SLC13A1: variants seen among roughly 807,000 people sequenced by gnomAD.
SLC13A1 encodes Na(+)/sulfate cotransporter.
In SLC13A1, 65 loss-of-function variants were observed where a neutral mutation model predicts 70.0. The observed-to-expected ratio is 0.93, with a 90% CI of 0.76 to 1.14. The LOEUF (loss-of-function observed/expected upper bound fraction) is 1.14, where lower values mean the gene tolerates loss of function less well. Among genes scored for constraint, SLC13A1 ranks in the 50% most tolerant of loss-of-function variants. SLC13A1 has a pLI of 0.00. For missense variants in SLC13A1, 726 were observed against 717.8 expected, an observed-to-expected ratio of 1.01 and a Z score of -0.13; for synonymous variants, 275 against 250.5, an observed-to-expected ratio of 1.10 and a Z score of -0.92.
rs992122495 is a variant in SLC13A1 at position 123,192,854 on chromosome 7, A to T, written c.99+6994T>A. Reference sequence around the variant, plus strand: ...AAAATATCCTCATTTTGGAAGATGGATAGTAAAAATAAGTTCAACTACAAA... The same window carrying T: ...AAAATATCCTCATTTTGGAAGATGGTTAGTAAAAATAAGTTCAACTACAAA... On this transcript the variant is annotated intron_variant, in intron 1 of 14. Coordinates refer to ENST00000194130, the MANE Select transcript of SLC13A1 (RefSeq NM_022444.4). Among the ~76,000 whole-genome samples the T allele has an allele frequency of 5.3e-4, 80 of 152,154 alleles. 1 individual carries two copies. The highest frequency in any genetic ancestry group is 1.9e-3 in the African/African-American group (78 of 41,448).
chr7:123,189,556 C>G (rs909265153), intron 1 of SLC13A1, among the ~76,000 whole-genome samples: 30 of 152,060 alleles, frequency 2.0e-4, no homozygotes, highest in African/African-American at 7.0e-4. Flanking sequence ...TTTAAAATTA[C>G]TATCTCAAGT....
chr7:123,167,356 A>C (rs1202374421), intron 6 of SLC13A1, among the ~76,000 whole-genome samples: 1 of 152,186 alleles, frequency 6.6e-6, no homozygotes, highest in African/African-American at 2.4e-5. Context: ...CATCTTAAAA[A>C]ATCCTTAATA....
At chr7:123,131,151 C>T (rs1400506128) in intron 8 of SLC13A1, among the ~76,000 whole-genome samples, 4 of 152,106 alleles carry the variant, frequency 2.6e-5, no homozygotes, top group Non-Finnish European at 2.9e-5. Context: ...CACTTCAATG[C>T]CTGAATATGA....
At chr7:123,179,959 A>G (rs1353020675) in intron 2 of SLC13A1, among the ~76,000 whole-genome samples, 1 of 152,100 alleles carries the variant, frequency 6.6e-6, no homozygotes, top group African/African-American at 2.4e-5. Context: ...AGCATTTAAG[A>G]AGCTTAATAG....
chr7:123,123,097 T>C (rs759166793), intron 12 of SLC13A1, 29 bp downstream of exon 12: 25 of 1,444,608 alleles, frequency 1.7e-5, no homozygotes, highest in Non-Finnish European at 2.4e-5. Flanking sequence ...TCTGGTTAAT[T>C]GTTAAATATC....
At chr7:123,120,345 T>C (rs1793333824) in intron 12 of SLC13A1, among the ~76,000 whole-genome samples, 1 of 152,124 alleles carries the variant, frequency 6.6e-6, no homozygotes, top group Non-Finnish European at 1.5e-5. Context: ...GTTTTGCATT[T>C]GTAGAATTCT....
At chr7:123,117,035 G>T (rs1433962344) in intron 14 of SLC13A1, among the ~76,000 whole-genome samples, 1 of 152,140 alleles carries the variant, frequency 6.6e-6, no homozygotes, top group Non-Finnish European at 1.5e-5. Flanking sequence ...CATCAGTGAG[G>T]CACTGACTCA....
chr7:123,134,778 A>G (rs747868587), intron 7 of SLC13A1, among the ~76,000 whole-genome samples: 1 of 152,142 alleles, frequency 6.6e-6, no homozygotes, highest in African/African-American at 2.4e-5. Context: ...TCTATATTTC[A>G]TCTTTAAGGA....
In SLC13A1 at chr7:123,114,741, T is replaced by C. The variant is rs1277064894; in HGVS notation, c.*777A>G. On this transcript the variant is annotated 3_prime_UTR_variant, in exon 15 of 15. Transcript: ENST00000194130. ...GTTCAGCTTTCCTTTCTAACTATAC[T>C]GTACTAATAGTGCAAATCATAGCAA... is the stretch of plus-strand genomic sequence containing the variant. 1 of 152,218 alleles carries C rather than the reference T, an allele frequency of 6.6e-6. No homozygotes were observed. The highest frequency in any genetic ancestry group is 1.5e-5 in the Non-Finnish European group (1 of 68,024). The allele number at this position is 152,218 out of a possible 1,614,324, so 9.4% of individuals were successfully genotyped here.
At chr7:123,168,583 A>G in intron 4 of SLC13A1, 22 bp from the exon 5 acceptor site, 2 of 1,558,486 alleles carry the variant, frequency 1.3e-6, no homozygotes, top group Non-Finnish European at 1.8e-6. Context: ...TAAATAAAAG[A>G]AAAACAATTT....
At chr7:123,147,598 C>G (rs1794407223) in intron 6 of SLC13A1, among the ~76,000 whole-genome samples, 1 of 151,934 alleles carries the variant, frequency 6.6e-6, no homozygotes. Flanking sequence ...CATCTGTCTG[C>G]AATGCCAGGA....
intron 7 of SLC13A1, among the ~76,000 whole-genome samples, chr7:123,135,691 C>A (rs928882594): frequency 6.6e-6 from 1 of 151,848 alleles, no homozygotes; most frequent in African/African-American, 2.4e-5. Context: ...TAAGATGGTT[C>A]CTAATAATAA....
At position 123,115,169 on chromosome 7, in the gene SLC13A1, T is replaced by A. The variant is rs541371234; in HGVS notation, c.*349A>T. ...GAAATTTCTGAAATAATAAATTGCA[T>A]TTAAAATGTTACATTGAACTCCAAC... On this transcript the variant is annotated 3_prime_UTR_variant, in exon 15 of 15. Transcript: ENST00000194130. 1 of 158,260 alleles carries A rather than the reference T, an allele frequency of 6.3e-6. No individual in the cohort carries two copies. The highest frequency in any genetic ancestry group is 2.4e-5 in the African/African-American group (1 of 41,870). 9.8% of individuals were successfully genotyped at this position (158,260 alleles called of 1,614,324 possible).
intron 2 of SLC13A1, among the ~76,000 whole-genome samples, chr7:123,179,538 C>T (rs890119236): frequency 2.6e-5 from 4 of 152,116 alleles, no homozygotes; most frequent in African/African-American, 9.7e-5. Context: ...GCAAAACTGC[C>T]ATTGGCACCT....
At chr7:123,172,846 C>A (rs11973604) in intron 2 of SLC13A1, among the ~76,000 whole-genome samples, 7,659 of 152,048 alleles carry the variant, frequency 0.05, 621 homozygotes, top group African/African-American at 0.17. Flanking sequence ...AGAATTTTGA[C>A]ATACTAGAAC....
intron 6 of SLC13A1, among the ~76,000 whole-genome samples, chr7:123,151,644 T>C (rs1037466307): frequency 2.6e-5 from 4 of 152,140 alleles, no homozygotes; most frequent in African/African-American, 9.7e-5. Flanking sequence ...AAAATTATGA[T>C]GTCATTTTAT....
chr7:123,195,801 ATGC>A (rs1289623536), intron 1 of SLC13A1, among the ~76,000 whole-genome samples: 1 of 152,048 alleles, frequency 6.6e-6, no homozygotes, highest in Non-Finnish European at 1.5e-5. Flanking sequence ...CAACTAAGAA[ATGC>A]TGCTCAGTAT....
chr7:123,172,877 G>T (rs1006323712), intron 2 of SLC13A1, among the ~76,000 whole-genome samples: 3 of 151,926 alleles, frequency 2.0e-5, no homozygotes, highest in Non-Finnish European at 2.9e-5. Context: ...ATAGGCCTTT[G>T]CAAAAACCTT....
At chr7:123,176,773 C>T (rs1412039204) in intron 2 of SLC13A1, among the ~76,000 whole-genome samples, 1 of 152,106 alleles carries the variant, frequency 6.6e-6, no homozygotes, top group Non-Finnish European at 1.5e-5. Flanking sequence ...TTCCAAGATC[C>T]CACACCCTCC....
Sources: gnomAD v4.1 joint callset for allele counts (sites outside exome capture counted in the v4.1 genomes callset) on GRCh38, gnomAD v4.1.1 for gene constraint, MANE v1.5 for transcripts, NCBI Gene and HGNC (gene_info 2026-07-23, HGNC 2026-07-21) for gene names.